MYH7: variants seen among roughly 807,000 people sequenced by gnomAD.
MYH7 encodes the protein myosin-7.
In MYH7, 129 loss-of-function variants were observed where a neutral mutation model predicts 225.4. The ratio of observed to expected loss-of-function variants is 0.57; its 90% CI spans 0.50 to 0.66. The LOEUF is 0.66. MYH7 is among the 30% of genes least tolerant of loss of function. MYH7 has a pLI of 0.00. For synonymous variants in MYH7, 971 were observed against 1,007.6 expected, an observed-to-expected ratio of 0.96 and a Z score of 0.69; for missense variants, 1,649 against 2,517.0, an observed-to-expected ratio of 0.66 and a Z score of 7.38.
intron 16 of MYH7, 37 bp downstream of exon 16, chr14:23,427,548 C>A: frequency 6.2e-7 from 1 of 1,611,060 alleles, no homozygotes; most frequent in South Asian, 1.1e-5. Flanking sequence ...GGCAGAATCC[C>A]TGCTCCTCTG....
chr14:23,430,989 T>C lies in MYH7; in HGVS notation c.807A>G (p.Glu269=), dbSNP rs1385168054. 1 of 1,612,180 alleles carries C rather than the reference T, an allele frequency of 6.2e-7. No homozygotes were observed. Among genetic ancestry groups the C allele is most frequent in the Non-Finnish European group, 8.5e-7 (1 of 1,178,228 alleles). ...TCAGCTGGAAAATAACTCTGGATTT[T>C]TCCAGAAGATCTGTGAACAGGTGGG... ...ASADIETYLL[E]KSRVIFQLKA... Residue 269 remains glutamate, a synonymous_variant, in exon 10 of 40, where the codon GAA becomes GAG. Coordinates refer to ENST00000355349, the MANE Select transcript of MYH7 (RefSeq NM_000257.4).
intron 1 of MYH7, among the ~76,000 whole-genome samples, chr14:23,435,106 A>G (rs905669793): frequency 8.5e-5 from 13 of 152,102 alleles, no homozygotes; most frequent in African/African-American, 2.7e-4. Context: ...TACAGATACT[A>G]TAACAGTCAT....
rs867532608 is a variant in MYH7, at chr14:23,417,431, C to T, written c.4353+72G>A. On this transcript the variant is annotated intron_variant, in intron 31 of 39. Transcript: ENST00000355349. ...CCTCCCCCACCTCCAAGGAGGATGG[C>T]TCTGGCCTCTCACTGAACCCCTCAT... 97 of 1,611,842 alleles carry T rather than the reference C, an allele frequency of 6.0e-5. No homozygotes were observed. In the Middle Eastern group the frequency reaches 1.6e-3, roughly 26 times the overall value.
Position 23,428,678 on chromosome 14 carries a change from G to A in MYH7, c.1408-8C>T, listed in dbSNP as rs764196309. Reference sequence around the variant, plus strand: ...CTGCTCAAAGCTGTTGAACTGCAGGGGGCATGAGGGGTGGGAGCAGTCAGA... The same window carrying A: ...CTGCTCAAAGCTGTTGAACTGCAGGAGGCATGAGGGGTGGGAGCAGTCAGA... On this transcript the variant is annotated splice_region_variant and splice_polypyrimidine_tract_variant and intron_variant, in intron 14 of 39. Transcript: ENST00000355349. The A allele has an allele frequency of 6.2e-7, 1 of 1,614,084 alleles. No homozygotes were observed. Among genetic ancestry groups the A allele is most frequent in the African/African-American group, 1.3e-5 (1 of 75,036 alleles).
At chr14:23,414,825 C>G (rs1196425630) in intron 37 of MYH7, among the ~76,000 whole-genome samples, 170 bp downstream of exon 37, 1 of 152,142 alleles carries the variant, frequency 6.6e-6, no homozygotes, top group Non-Finnish European at 1.5e-5. Context: ...AGAGACTGAC[C>G]TCTGAGCTAG....
At chr14:23,422,727 T>C (rs1892533139) in intron 24 of MYH7, among the ~76,000 whole-genome samples, 2 of 151,272 alleles carry the variant, frequency 1.3e-5, no homozygotes, top group Non-Finnish European at 2.9e-5. Flanking sequence ...GCCTCCCTGG[T>C]TCAAGGGATT....
rs727505329 is a variant in MYH7 at position 23,417,191 on chromosome 14, T to A, written c.4481A>T (p.His1494Leu). 7.4e-6 allele frequency: 12 copies of A among 1,614,104 alleles called. No individual in the cohort carries two copies. Among genetic ancestry groups the A allele is most frequent in the Non-Finnish European group, 1.0e-5 (12 of 1,180,046 alleles). Residue 1494 changes from histidine to leucine, a missense_variant, in exon 32 of 40, where the codon CAT becomes CTT. His to Leu is a moderately conservative substitution (Grantham distance 99). This residue lies in a region of MYH7 where 687 missense variants were observed against 913.8 expected (regional missense o/e 0.75). Coordinates refer to ENST00000355349, the MANE Select transcript of MYH7 (RefSeq NM_000257.4). ...GTTCTCCCGCTTGAAGGTCTCCAGATGTTCCAGGGACTCCTCATAGGCGTT... is the reference window on the plus strand; with the variant it reads ...GTTCTCCCGCTTGAAGGTCTCCAGAAGTTCCAGGGACTCCTCATAGGCGTT... ...LKNAYEESLE[H>L]LETFKRENKN...
intron 38 of MYH7, 47 bp downstream of exon 38, chr14:23,413,960 G>A (rs1892077300): frequency 6.2e-7 from 1 of 1,613,988 alleles, no homozygotes; most frequent in African/African-American, 1.3e-5. Flanking sequence ...TGGGGGACGA[G>A]CTCTCCTATG....
intron 30 of MYH7, chr14:23,417,972 C>T (rs1223667242): frequency 1.1e-6 from 1 of 881,546 alleles, no homozygotes; most frequent in Non-Finnish European, 2.0e-6. Flanking sequence ...GTGCCCTGCC[C>T]CAGACGGAAG....
Position 23,431,597 on chromosome 14 carries a change from G to A in MYH7, c.720C>T (p.Asn240=). 6.2e-7 allele frequency: 1 copy of A among 1,614,276 alleles called. No individual in the cohort carries two copies. The highest frequency in any genetic ancestry group is 8.5e-7 in the Non-Finnish European group (1 of 1,180,048). The change falls in exon 8 of 40, where the codon AAC becomes AAT. Residue 240 remains asparagine (N), a synonymous_variant. Coordinates refer to ENST00000355349, the MANE Select transcript of MYH7 (RefSeq NM_000257.4). ...FGNAKTVRND[N]SSRFGKFIRI... is the part of the protein sequence containing the mutation. The stretch of plus-strand genomic sequence containing the variant: ...AGGGACCACTCACGAAGCGGGAGGA[G>A]TTGTCGTTCCGGACGGTCTTGGCAT...
chr14:23,432,943 T>C, intron 4 of MYH7, 141 bp downstream of exon 4: 1 of 1,502,462 alleles, frequency 6.7e-7, no homozygotes, highest in Non-Finnish European at 9.1e-7. Context: ...CCCCAGAGTG[T>C]TGGAATTGAA....
intron 16 of MYH7, 72 bp downstream of exon 16, chr14:23,427,513 A>T: frequency 6.4e-7 from 1 of 1,572,036 alleles, no homozygotes; most frequent in Non-Finnish European, 8.7e-7. Context: ...GGTGGGGTGT[A>T]GCAATTGACC....
intron 33 of MYH7, 28 bp from the exon 34 acceptor site, chr14:23,416,340 A>G: frequency 2.5e-6 from 4 of 1,608,064 alleles, no homozygotes; most frequent in Non-Finnish European, 3.4e-6. Flanking sequence ...GAGGGGATGC[A>G]GGCAGACAGT....
intron 18 of MYH7, 83 bp downstream of exon 18, chr14:23,426,694 G>A: frequency 7.8e-7 from 1 of 1,279,206 alleles, no homozygotes; most frequent in Non-Finnish European, 1.1e-6. Context: ...CACTGTGGTG[G>A]TAGGTAGGGA....
In MYH7 at chr14:23,415,339, G is replaced by C. The variant is rs1352323725; in HGVS notation, c.5283+42C>G. The C allele has an allele frequency of 1.2e-6, 2 of 1,614,248 alleles. No individual in the cohort carries two copies. Among genetic ancestry groups the C allele is most frequent in the South Asian group, 2.2e-5 (2 of 91,084 alleles). On this transcript the variant is annotated intron_variant, in intron 36 of 39. Coordinates refer to ENST00000355349, the MANE Select transcript of MYH7 (RefSeq NM_000257.4). The surrounding 1 kb of genome is among the most constrained non-coding windows in gnomAD (Gnocchi z 6.3). ...ACACACTTGCTGCCCAGCCCACGGA[G>C]AGACACTGGTCTGGATCGGGTCGGT...
chr14:23,418,244 C>T lies in MYH7; in HGVS notation c.4135G>A (p.Ala1379Thr), dbSNP rs397516202. 3 of 1,613,426 alleles carry T rather than the reference C, an allele frequency of 1.9e-6. No homozygotes were observed. Among genetic ancestry groups the T allele is most frequent in the Admixed American group, 1.7e-5 (1 of 60,006 alleles). The change falls in exon 30 of 40, where the codon GCC becomes ACC. Residue 1379 changes from alanine (A) to threonine (T), a missense_variant. Coordinates refer to ENST00000355349, the MANE Select transcript of MYH7 (RefSeq NM_000257.4). ...TCGAGCTCCTCAGTCCGCTGAATGG[C>T]GTCCGTCTCATACTTGGTCCTCCAC... ...AQWRTKYETD[A>T]IQRTEELEEA...
intron 1 of MYH7, among the ~76,000 whole-genome samples, chr14:23,435,052 G>A (rs1893088754): frequency 1.3e-5 from 2 of 152,148 alleles, no homozygotes; most frequent in African/African-American, 4.8e-5. Flanking sequence ...CAAAGACCTG[G>A]AACATCCTAC....
rs774911386 is a variant in MYH7, at chr14:23,425,919, C to T, written c.2162+45G>A. 1.7e-5 allele frequency: 27 copies of T among 1,612,932 alleles called. No individual in the cohort carries two copies. The highest frequency in any genetic ancestry group is 2.2e-5 in the Non-Finnish European group (26 of 1,180,036). ...CAGATCCCATTCCCATCAGGGCAGC[C>T]TGGCTCCCCCTGTTCTATGAGCTCT... On this transcript the variant is annotated intron_variant, in intron 19 of 39. Coordinates refer to ENST00000355349, the MANE Select transcript of MYH7 (RefSeq NM_000257.4). The surrounding 1 kb of genome is among the most constrained non-coding windows in gnomAD (Gnocchi z 4.6).
rs1423892489 is a variant in MYH7, at chr14:23,434,197, G to C, written c.-12C>G. On this transcript the variant is annotated 5_prime_UTR_variant, in exon 2 of 40. Coordinates refer to ENST00000355349, the MANE Select transcript of MYH7 (RefSeq NM_000257.4). The stretch of plus-strand genomic sequence containing the variant: ...CTCTAGCTTCAGCTTTTCTTACCTG[G>C]GCTACTCAAGTGTGTCTACAGATGA... The C allele has an allele frequency of 9.4e-7, 1 of 1,060,622 alleles. No homozygotes were observed. The highest frequency in any genetic ancestry group is 5.0e-5 in the Admixed American group (1 of 20,174). The allele number at this position is 1,060,622 out of a possible 1,614,324, so 65.7% of individuals were successfully genotyped here.
Sources: gnomAD v4.1 joint callset for allele counts (sites outside exome capture counted in the v4.1 genomes callset) on GRCh38, gnomAD v4.1.1 for gene constraint, gnomAD v4.1.1 regional missense constraint, Gnocchi (gnomAD v3.1) non-coding constraint, MANE v1.5 for transcripts, NCBI Gene and HGNC (gene_info 2026-07-23, HGNC 2026-07-21) for gene names.